The following AGMO variants were observed in gnomAD, a reference collection of about 807,000 sequenced individuals.
AGMO encodes the protein glyceryl-ether monooxygenase.
In AGMO, 75 loss-of-function variants were observed where a neutral mutation model predicts 60.2. That is an observed-to-expected ratio of 1.25 (90% CI 1.03 to 1.51). The LOEUF is 1.51. Among genes scored for constraint, AGMO ranks in the 40% most tolerant of loss-of-function variants. The pLI is 0.00. For synonymous variants in AGMO, 261 were observed against 177.1 expected, an observed-to-expected ratio of 1.47 and a Z score of -3.76; for missense variants, 763 against 525.5, an observed-to-expected ratio of 1.45 and a Z score of -4.42.
chr7:15,525,088 CT>C (rs1331894707), intron 3 of AGMO, among the ~76,000 whole-genome samples: 10 of 152,058 alleles, frequency 6.6e-5, no homozygotes, highest in African/African-American at 9.7e-5. Context: ...GTCAGTCCTG[CT>C]TCATAATACT....
At chr7:15,159,977 A>G in the AGMO span, among the ~76,000 whole-genome samples, 2 of 152,170 alleles carry the variant, frequency 1.3e-5, no homozygotes, top group Admixed American at 6.6e-5. Flanking sequence ...ACTGGAAGCT[A>G]AAAGTGCTGC....
chr7:15,482,477 C>CT (rs1380791752), intron 3 of AGMO, among the ~76,000 whole-genome samples: 4 of 151,788 alleles, frequency 2.6e-5, no homozygotes, highest in East Asian at 1.9e-4. Context: ...TCCACGGTGA[C>CT]TTTTTTTTAG....
At chr7:15,515,139 C>A (rs1008348530) in intron 3 of AGMO, among the ~76,000 whole-genome samples, 4 of 152,186 alleles carry the variant, frequency 2.6e-5, no homozygotes, top group Non-Finnish European at 5.9e-5. Context: ...AGCACTATGA[C>A]TTTTAAAATT....
intron 12 of AGMO, among the ~76,000 whole-genome samples, chr7:15,205,646 T>C (rs2115470078): frequency 6.6e-6 from 1 of 152,242 alleles, no homozygotes; most frequent in South Asian, 2.1e-4. Context: ...AAGTATAAAA[T>C]GGCATTTTCG....
At chr7:15,547,459 C>T (rs1784813273) in intron 2 of AGMO, among the ~76,000 whole-genome samples, 1 of 151,982 alleles carries the variant, frequency 6.6e-6, no homozygotes, top group Non-Finnish European at 1.5e-5. Flanking sequence ...AGTGGGTGCG[C>T]GCACCGTGCG....
chr7:15,416,661 C>G (rs912468344), intron 5 of AGMO, among the ~76,000 whole-genome samples: 3 of 152,096 alleles, frequency 2.0e-5, no homozygotes, highest in African/African-American at 7.2e-5. Context: ...ATCTCTACAG[C>G]TCGCATATCA....
At chr7:15,512,442 G>A (rs184310005) in intron 3 of AGMO, among the ~76,000 whole-genome samples, 8 of 152,034 alleles carry the variant, frequency 5.3e-5, no homozygotes, top group Non-Finnish European at 1.0e-4. Context: ...TTGTTGAGTC[G>A]GGGTTTCATC....
At chr7:15,212,267 C>T (rs987239737) in intron 12 of AGMO, among the ~76,000 whole-genome samples, 1 of 127,902 alleles carries the variant, frequency 7.8e-6, no homozygotes, top group South Asian at 3.2e-4. Context: ...CACACACACA[C>T]ACACACACAC....
intron 3 of AGMO, among the ~76,000 whole-genome samples, chr7:15,448,664 G>A (rs1370477989): frequency 7.1e-6 from 1 of 141,146 alleles, no homozygotes; most frequent in Admixed American, 7.4e-5. Context: ...GAAAATATAA[G>A]CAAAATTCTG....
chr7:15,556,584 G>A (rs1785147065), intron 2 of AGMO, among the ~76,000 whole-genome samples: 1 of 152,116 alleles, frequency 6.6e-6, no homozygotes, highest in South Asian at 2.1e-4. Context: ...GTAACAAATT[G>A]AAGTCCCAGT....
chr7:15,136,768 C>T, the AGMO span, among the ~76,000 whole-genome samples: 7 of 151,668 alleles, frequency 4.6e-5, no homozygotes, highest in Non-Finnish European at 1.0e-4. Context: ...TGTGTGTGCA[C>T]GCGTGCGTAT....
chr7:15,247,020 G>A (rs2128504912), intron 12 of AGMO, among the ~76,000 whole-genome samples: 1 of 152,070 alleles, frequency 6.6e-6, no homozygotes, highest in African/African-American at 2.4e-5. Flanking sequence ...TGTCCAGGCT[G>A]GTCTCAAACT....
At chr7:15,265,876 CAGTGTA>C (rs980258447) in intron 12 of AGMO, among the ~76,000 whole-genome samples, 5 of 152,026 alleles carry the variant, frequency 3.3e-5, no homozygotes, top group Non-Finnish European at 7.4e-5. Flanking sequence ...AACATGGAGT[CAGTGTA>C]TGTTCACCAA....
chr7:15,215,038 G>T (rs1781696070), intron 12 of AGMO, among the ~76,000 whole-genome samples: 1 of 152,032 alleles, frequency 6.6e-6, no homozygotes, highest in Admixed American at 6.6e-5. Flanking sequence ...TATAAATTCT[G>T]TCACAACACA....
At chr7:15,185,301 G>A in the AGMO span, among the ~76,000 whole-genome samples, 133,926 of 152,204 alleles carry the variant, frequency 0.88, 59,309 homozygotes, top group East Asian at 1. Context: ...TTGAATTAGA[G>A]AATCTAAGGT....
rs946656237 is a variant in AGMO, at chr7:15,501,597, G to A, written c.409+43175C>T. On this transcript the variant is annotated intron_variant, in intron 3 of 12. Coordinates refer to ENST00000342526, the MANE Select transcript of AGMO (RefSeq NM_001004320.2). ...TATGCCCTACAGAGGAAGATGAGAG[G>A]TGAAATAAAAGATAATACAGTGACA... is the stretch of plus-strand genomic sequence containing the variant. 7.9e-5 allele frequency among the ~76,000 whole-genome samples: 12 copies of A among 151,918 alleles called. 1 individual carries two copies. The highest frequency in any genetic ancestry group is 7.9e-4 in the Admixed American group (12 of 15,222).
chr7:15,262,435 TTC>T (rs1783300543), intron 12 of AGMO, among the ~76,000 whole-genome samples: 1 of 151,850 alleles, frequency 6.6e-6, no homozygotes, highest in Non-Finnish European at 1.5e-5. Context: ...CATGAAAAAC[TTC>T]TACAAGAAAA....
At chr7:15,458,722 C>T in intron 3 of AGMO, among the ~76,000 whole-genome samples, 1 of 152,082 alleles carries the variant, frequency 6.6e-6, no homozygotes, top group South Asian at 2.1e-4. Context: ...TTATTAATAC[C>T]TCTGCTTTAT....
chr7:15,428,267 C>A (rs1035832666), intron 4 of AGMO, among the ~76,000 whole-genome samples: 2 of 152,076 alleles, frequency 1.3e-5, no homozygotes, highest in Non-Finnish European at 2.9e-5. Flanking sequence ...TCTCTCCTAT[C>A]TTCCAAGGGA....
Sources: gnomAD v4.1 joint callset for allele counts (sites outside exome capture counted in the v4.1 genomes callset) on GRCh38, gnomAD v4.1.1 for gene constraint, MANE v1.5 for transcripts, NCBI Gene and HGNC (gene_info 2026-07-23, HGNC 2026-07-21) for gene names.